Variants in ARID1B observed in about 807,000 individuals in gnomAD.
The protein encoded by ARID1B is AT-rich interaction domain 1B.
Under a neutral mutation model 212.3 loss-of-function variants are expected in ARID1B, and 30 were observed. That is an observed-to-expected ratio of 0.14 (90% CI 0.11 to 0.19). The LOEUF is 0.19. Among genes scored for constraint, ARID1B ranks in the 10% least tolerant of loss-of-function variants. The pLI is 1.00. For synonymous variants in ARID1B, 1,402 were observed against 1,301.7 expected (o/e 1.08, Z -1.66); for missense variants, 2,891 against 3,204.0 (o/e 0.90, Z 2.36).
intron 4 of ARID1B, among the ~76,000 whole-genome samples, chr6:157,047,382 C>A (rs1333919786): frequency 1.3e-5 from 2 of 152,146 alleles, no homozygotes; most frequent in African/African-American, 4.8e-5. Flanking sequence ...ATATTATAAT[C>A]AGAGGAGTTC....
intron 4 of ARID1B, among the ~76,000 whole-genome samples, chr6:157,067,083 C>T (rs1446948532): frequency 6.6e-6 from 1 of 152,126 alleles, no homozygotes; most frequent in African/African-American, 2.4e-5. Context: ...ACAAGAAGTG[C>T]TATCATTTAT....
At chr6:157,179,992 C>G (rs1201414527) in intron 11 of ARID1B, among the ~76,000 whole-genome samples, 1 of 152,078 alleles carries the variant, frequency 6.6e-6, no homozygotes, top group African/African-American at 2.4e-5. Context: ...CCTAGGTATG[C>G]ATAAATAAAG....
At chr6:157,198,735 C>T in intron 16 of ARID1B, 76 bp from the exon 17 acceptor site, 2 of 1,290,366 alleles carry the variant, frequency 1.5e-6, no homozygotes, top group Non-Finnish European at 2.2e-6. Flanking sequence ...GTCAGGGTTC[C>T]AGAAATGGAT....
intron 7 of ARID1B, among the ~76,000 whole-genome samples, chr6:157,137,098 T>G (rs1277824941): frequency 6.6e-6 from 1 of 152,028 alleles, no homozygotes; most frequent in Non-Finnish European, 1.5e-5. Context: ...AGAGGATCAC[T>G]TGAGCCCAGG....
At chr6:157,197,532 G>A (rs530714500) in intron 16 of ARID1B, among the ~76,000 whole-genome samples, 3 of 152,334 alleles carry the variant, frequency 2.0e-5, no homozygotes, top group Admixed American at 6.5e-5. Flanking sequence ...AAGGAGACAC[G>A]GTGCTTTCTC....
intron 4 of ARID1B, among the ~76,000 whole-genome samples, chr6:157,044,633 T>G (rs1357260524): frequency 6.6e-6 from 1 of 152,268 alleles, no homozygotes; most frequent in Admixed American, 6.5e-5. Context: ...CATTTGTTTT[T>G]AGTCATTTCT....
At chr6:156,971,707 T>C (rs905126492) in intron 4 of ARID1B, among the ~76,000 whole-genome samples, 2 of 152,176 alleles carry the variant, frequency 1.3e-5, no homozygotes, top group Non-Finnish European at 2.9e-5. Context: ...CTGTGGTTGC[T>C]GGCATAATTC....
chr6:156,963,776 T>A (rs41321950), intron 4 of ARID1B, among the ~76,000 whole-genome samples: 47,072 of 152,136 alleles, frequency 0.31, 7,435 homozygotes, highest in Non-Finnish European at 0.32. Context: ...AAATTCTTCT[T>A]GTTTACAGAA....
At chr6:157,136,137 C>G (rs1410844890) in intron 7 of ARID1B, among the ~76,000 whole-genome samples, 2 of 152,176 alleles carry the variant, frequency 1.3e-5, no homozygotes, top group Non-Finnish European at 2.9e-5. Context: ...ACAGAAGTTG[C>G]TGTTATTACT....
chr6:157,160,178 T>C (rs1158896423), intron 8 of ARID1B, among the ~76,000 whole-genome samples: 1 of 152,170 alleles, frequency 6.6e-6, no homozygotes, highest in African/African-American at 2.4e-5. Context: ...GGTTCCTGCA[T>C]AGGGAGGAAA....
chr6:157,048,563 T>C (rs1323027123), intron 4 of ARID1B, among the ~76,000 whole-genome samples: 3 of 152,256 alleles, frequency 2.0e-5, no homozygotes, highest in Non-Finnish European at 2.9e-5. Flanking sequence ...TCTGGTCTTT[T>C]AACAGTTGGC....
chr6:156,883,775 G>A (rs1787292197), intron 2 of ARID1B, among the ~76,000 whole-genome samples: 1 of 152,196 alleles, frequency 6.6e-6, no homozygotes, highest in South Asian at 2.1e-4. Context: ...CTGGAGGTAA[G>A]CTGTTACCTG....
intron 4 of ARID1B, chr6:156,939,776 A>G (rs1046060028): frequency 5.7e-4 from 87 of 151,540 alleles, no homozygotes; most frequent in African/African-American, 2.1e-3. Context: ...AGAAGTGGAC[A>G]CTTTGGATAA....
chr6:157,099,910 G>A (rs1013222553), intron 5 of ARID1B, among the ~76,000 whole-genome samples: 4 of 152,082 alleles, frequency 2.6e-5, no homozygotes, highest in South Asian at 2.1e-4. Context: ...TTCATGGCTC[G>A]GGAGTATCCA....
intron 4 of ARID1B, among the ~76,000 whole-genome samples, chr6:157,026,758 G>A (rs1031296743): frequency 6.6e-6 from 1 of 152,078 alleles, no homozygotes; most frequent in Non-Finnish European, 1.5e-5. Context: ...TCGAGCAATT[G>A]TCCTACCTCG....
intron 2 of ARID1B, among the ~76,000 whole-genome samples, chr6:156,834,132 A>G (rs1783333804): frequency 6.6e-6 from 1 of 152,234 alleles, no homozygotes; most frequent in South Asian, 2.1e-4. Context: ...TCTGAAAAGT[A>G]AGGATGAATG....
chr6:157,184,072 G>A (rs977335502), intron 12 of ARID1B, among the ~76,000 whole-genome samples, 159 bp from the exon 13 acceptor site: 1 of 152,080 alleles, frequency 6.6e-6, no homozygotes, highest in African/African-American at 2.4e-5. Flanking sequence ...TTTTATAACT[G>A]TAAATGCTGC....
chr6:157,036,968 T>A (rs1036029513), intron 4 of ARID1B: 2 of 417,510 alleles, frequency 4.8e-6, no homozygotes, highest in African/African-American at 4.2e-5. Flanking sequence ...ATTTTTTTTT[T>A]AATCATAATC....
chr6:157,194,763 A>C (rs1374851180), intron 15 of ARID1B: 1 of 152,206 alleles, frequency 6.6e-6, no homozygotes, highest in South Asian at 2.1e-4. Context: ...CTAACTTTGT[A>C]TACATATTTT....
Sources: gnomAD v4.1 joint callset for allele counts (sites outside exome capture counted in the v4.1 genomes callset) on GRCh38, gnomAD v4.1.1 for gene constraint, MANE v1.5 for transcripts, NCBI Gene and HGNC (gene_info 2026-07-23, HGNC 2026-07-21) for gene names.